STAM2: variants seen among roughly 807,000 people sequenced by gnomAD.
STAM2 encodes signal transducing adapter molecule 2.
Under a neutral mutation model 65.6 loss-of-function variants are expected in STAM2, and 51 were observed. That is an observed-to-expected ratio of 0.78 (90% CI 0.62 to 0.98). The LOEUF (loss-of-function observed/expected upper bound fraction) is 0.98, where lower values mean the gene tolerates loss of function less well. Ranked by LOEUF, STAM2 falls within the 50% of genes least tolerant of loss-of-function variation. The pLI, the probability that STAM2 is intolerant of heterozygous loss-of-function variation, is 0.00. For synonymous variants in STAM2, 198 were observed against 208.4 expected (o/e 0.95, Z 0.43); for missense variants, 584 against 617.8 (o/e 0.95, Z 0.58).
intron 1 of STAM2, among the ~76,000 whole-genome samples, chr2:152,160,940 G>A (rs978109273): frequency 2.6e-5 from 4 of 151,756 alleles, no homozygotes; most frequent in Non-Finnish European, 4.4e-5. Context: ...CTGCCCAGCC[G>A]CCCCTACTGG....
rs2105527417 is a variant in STAM2, at chr2:152,123,812, C to T, written c.1303G>A (p.Val435Met). The change falls in exon 13 of 14, where the codon GTG becomes ATG. Residue 435 changes from valine (V) to methionine (M), a missense_variant. Val to Met is a conservative substitution (Grantham distance 21, BLOSUM62 1). Transcript: ENST00000263904. ...GGCTGTGCTGTCACTGAGGAATTCA[C>T]ATTTGGAGGCAGAGATCTCAGTGGA... ...IGPLRSLPPN[V>M]NSSVTAQPAQ... 1.2e-6 allele frequency: 2 copies of T among 1,614,150 alleles called. No homozygotes were observed. The highest frequency in any genetic ancestry group is 1.3e-5 in the African/African-American group (1 of 75,044).
At chr2:152,136,743 T>C (rs1689162419) in intron 7 of STAM2, among the ~76,000 whole-genome samples, 2 of 152,160 alleles carry the variant, frequency 1.3e-5, no homozygotes. Context: ...TCCATTCCTG[T>C]AGAGATGGAC....
intron 7 of STAM2, among the ~76,000 whole-genome samples, chr2:152,136,654 T>A (rs1579317209): frequency 1.3e-5 from 2 of 152,216 alleles, no homozygotes; most frequent in Middle Eastern, 6.8e-3. Context: ...CAGACCTTTT[T>A]AATTTTATAT....
In STAM2 at chr2:152,150,143, A is replaced by G. The variant is rs1689414539; in HGVS notation, c.125+2T>C. On this transcript the variant is annotated splice_donor_variant, in intron 2 of 13. Coordinates refer to ENST00000263904, the MANE Select transcript of STAM2 (RefSeq NM_005843.6). LOFTEE classifies it high-confidence loss of function. ...TTCACTGAGCATGACTGGACATCTTACCCATTAGGAGTACTTCCAACTTTG... is the reference window on the plus strand; with the variant it reads ...TTCACTGAGCATGACTGGACATCTTGCCCATTAGGAGTACTTCCAACTTTG... 6.3e-7 allele frequency: 1 copy of G among 1,597,906 alleles called. No homozygotes were observed.
At chr2:152,122,042 C>T (rs1399641658) in intron 13 of STAM2, among the ~76,000 whole-genome samples, 39 of 142,716 alleles carry the variant, frequency 2.7e-4, no homozygotes, top group African/African-American at 8.3e-4. Context: ...AGTGAGACTC[C>T]GTCCCCAAAA....
chr2:152,147,448 T>G, intron 4 of STAM2, 140 bp from the exon 5 acceptor site: 9 of 764,700 alleles, frequency 1.2e-5, no homozygotes, highest in Non-Finnish European at 1.8e-5. Context: ...TCTAGCCTAG[T>G]TGAGTAATTG....
intron 1 of STAM2, among the ~76,000 whole-genome samples, chr2:152,157,562 A>T (rs1294341343): frequency 1.3e-5 from 2 of 152,190 alleles, no homozygotes; most frequent in Non-Finnish European, 2.9e-5. Flanking sequence ...ATATAACCCA[A>T]GGGGTGAGCT....
intron 1 of STAM2, among the ~76,000 whole-genome samples, chr2:152,169,932 G>A (rs1057154879): frequency 8.6e-5 from 13 of 151,318 alleles, no homozygotes; most frequent in Non-Finnish European, 1.6e-4. Flanking sequence ...CCGCCTCCCA[G>A]GTTCAAGTGA....
chr2:152,174,748 G>C (rs535412492), intron 1 of STAM2, among the ~76,000 whole-genome samples: 38 of 152,320 alleles, frequency 2.5e-4, no homozygotes, highest in Non-Finnish European at 5.0e-4. Flanking sequence ...AGGGGAAACG[G>C]AGGTGGAGGC....
At chr2:152,142,087 G>A (rs78142476) in intron 7 of STAM2, among the ~76,000 whole-genome samples, 3,087 of 152,230 alleles carry the variant, frequency 0.02, 66 homozygotes, top group African/African-American at 0.06. Context: ...GTCTACCAGC[G>A]ATTACCAATC....
At chr2:152,141,288 C>A (rs529541535) in intron 7 of STAM2, among the ~76,000 whole-genome samples, 7 of 152,172 alleles carry the variant, frequency 4.6e-5, no homozygotes, top group African/African-American at 1.7e-4. Context: ...GTAATCCCAG[C>A]ACTTTGGGAG....
intron 1 of STAM2, among the ~76,000 whole-genome samples, chr2:152,150,550 C>G (rs560945690): frequency 5.3e-5 from 8 of 152,200 alleles, no homozygotes; most frequent in Non-Finnish European, 1.0e-4. Flanking sequence ...TGCCTGTAAT[C>G]CCAGGCATGG....
rs1329653981 is a variant in STAM2 at position 152,120,637 on chromosome 2, C to A, written c.1515G>T (p.Val505=). Residue 505 remains valine, a synonymous_variant, in exon 14 of 14, where the codon GTG becomes GTT. Transcript: ENST00000263904. ...SNLPQLAGFP[V]TVPAHPVAQQ... is the part of the protein sequence containing the mutation. ...GTGCAACTGGATGAGCTGGAACTGTCACCGGAAAGCCTGCCAGTTGAGGCA... is the reference window on the plus strand; with the variant it reads ...GTGCAACTGGATGAGCTGGAACTGTAACCGGAAAGCCTGCCAGTTGAGGCA... 1 of 1,614,098 alleles carries A rather than the reference C, an allele frequency of 6.2e-7. No homozygotes were observed. The highest frequency in any genetic ancestry group is 1.7e-5 in the Admixed American group (1 of 60,004).
chr2:152,166,313 G>T (rs1372001607), intron 1 of STAM2, among the ~76,000 whole-genome samples: 4 of 152,036 alleles, frequency 2.6e-5, no homozygotes, highest in African/African-American at 9.7e-5. Context: ...ATCAAGGCAG[G>T]GGAAGAAGAG....
chr2:152,164,705 G>C (rs1318692999), intron 1 of STAM2, among the ~76,000 whole-genome samples: 9 of 152,088 alleles, frequency 5.9e-5, no homozygotes, highest in African/African-American at 1.4e-4. Flanking sequence ...TCCTCTGATG[G>C]AATACAGATC....
Position 152,119,972 on chromosome 2 carries a change from G to T in STAM2, c.*602C>A, listed in dbSNP as rs1688818172. On this transcript the variant is annotated 3_prime_UTR_variant, in exon 14 of 14. Coordinates refer to ENST00000263904, the MANE Select transcript of STAM2 (RefSeq NM_005843.6). ...CAGTGAGAGCAAAAGTGACAATACT[G>T]CAAACACAACCGCAATTTAAGGAGC... is the stretch of plus-strand genomic sequence containing the variant. 1.3e-5 allele frequency: 2 copies of T among 152,756 alleles called. No homozygotes were observed. Among genetic ancestry groups the T allele is most frequent in the African/African-American group, 4.8e-5 (2 of 41,406 alleles). 9.5% of individuals were successfully genotyped at this position (152,756 alleles called of 1,614,324 possible).
chr2:152,166,343 C>CA (rs1025046421), intron 1 of STAM2, among the ~76,000 whole-genome samples: 2 of 151,438 alleles, frequency 1.3e-5, no homozygotes, highest in African/African-American at 4.9e-5. Flanking sequence ...GATTCAGAGA[C>CA]AAAAAACAAC....
At chr2:152,130,559 T>C (rs1689040992) in intron 11 of STAM2, among the ~76,000 whole-genome samples, 1 of 151,570 alleles carries the variant, frequency 6.6e-6, no homozygotes, top group African/African-American at 2.4e-5. Context: ...CCGCTCCTAT[T>C]TTTAAAGGAC....
intron 1 of STAM2, among the ~76,000 whole-genome samples, chr2:152,161,286 A>T (rs1689670761): frequency 1.3e-5 from 2 of 150,950 alleles, no homozygotes; most frequent in South Asian, 4.2e-4. Flanking sequence ...TGTTAAACAG[A>T]TGCTTGAAGG....
Sources: gnomAD v4.1 joint callset for allele counts (sites outside exome capture counted in the v4.1 genomes callset) on GRCh38, gnomAD v4.1.1 for gene constraint, MANE v1.5 for transcripts, NCBI Gene and HGNC (gene_info 2026-07-23, HGNC 2026-07-21) for gene names.